Variants in CYP7B1 observed in about 807,000 individuals in gnomAD.
CYP7B1 encodes cytochrome P450 7B1.
CYP7B1 carries 29 observed loss-of-function variants against 42.7 expected under a neutral mutation model. The ratio of observed to expected loss-of-function variants is 0.68; its 90% confidence interval spans 0.51 to 0.93. The LOEUF is 0.93. CYP7B1 is among the 40% of genes least tolerant of loss of function. The pLI is 0.00. For missense variants in CYP7B1, 655 were observed against 600.5 expected (o/e 1.09, Z -0.95); for synonymous variants, 235 against 218.2 (o/e 1.08, Z -0.68).
chr8:64,728,179 A>G lies in CYP7B1; in HGVS notation c.122+70287T>C, dbSNP rs1291819952. The G allele has an allele frequency of 2.0e-5, 3 of 152,232 alleles. No homozygotes were observed. The East Asian group carries it at 5.8e-4, about 29-fold the overall frequency. 9.4% of individuals were successfully genotyped at this position (152,232 alleles called of 1,614,324 possible). ...TGCCAGAAAGAAGTAAATACAGCTC[A>G]TTGAGTTTTCTATGGGAGGATTTGG... is the stretch of plus-strand genomic sequence containing the variant. On this transcript the variant is annotated intron_variant, in intron 1 of 5. Transcript: ENST00000310193.
chr8:64,798,420 CGCGGGGCCCAGGGCGCATGCGTGGCCTG>C lies in CYP7B1; in HGVS notation c.122+18_122+45del. ...CTCGCCATCTGGGTCGCGCGCGGCC[CGCGGGGCCCAGGGCGCATGCGTGGCCTG>C]GCGGCCGAGGCGCTTACCTGGTGCG... On this transcript the variant is annotated intron_variant, in intron 1 of 5. Transcript: ENST00000310193. The C allele has an allele frequency of 6.9e-7, 1 of 1,454,270 alleles. No homozygotes were observed. Among genetic ancestry groups the C allele is most frequent in the Non-Finnish European group, 9.0e-7 (1 of 1,117,002 alleles). The allele number at this position is 1,454,270 out of a possible 1,614,324, so 90.1% of individuals were successfully genotyped here.
At chr8:64,739,291 T>G (rs1279877772) in intron 1 of CYP7B1, among the ~76,000 whole-genome samples, 1 of 152,204 alleles carries the variant, frequency 6.6e-6, no homozygotes, top group African/African-American at 2.4e-5. Context: ...TCCTCTCCCA[T>G]GCCTTACCAC....
chr8:64,663,955 A>T (rs1159955473), intron 1 of CYP7B1, among the ~76,000 whole-genome samples: 2 of 152,124 alleles, frequency 1.3e-5, no homozygotes, highest in Non-Finnish European at 2.9e-5. Context: ...GTGGTAGACG[A>T]AAAAAATGGA....
At chr8:64,652,186 A>C (rs1161823209) in intron 1 of CYP7B1, among the ~76,000 whole-genome samples, 1 of 152,164 alleles carries the variant, frequency 6.6e-6, no homozygotes, top group Admixed American at 6.5e-5. Context: ...AATGATTCCA[A>C]ACTTTCGTTA....
intron 1 of CYP7B1, among the ~76,000 whole-genome samples, chr8:64,775,930 C>A (rs888048119): frequency 3.9e-5 from 6 of 152,120 alleles, no homozygotes; most frequent in Non-Finnish European, 5.9e-5. Context: ...TCAGCTTCTT[C>A]ATTTACAGAT....
At chr8:64,745,576 G>T (rs1477182127) in intron 1 of CYP7B1, among the ~76,000 whole-genome samples, 1 of 152,078 alleles carries the variant, frequency 6.6e-6, no homozygotes, top group Non-Finnish European at 1.5e-5. Flanking sequence ...AATACTAACA[G>T]ACCTGTGTCT....
chr8:64,768,839 AC>A (rs1251595953), intron 1 of CYP7B1, among the ~76,000 whole-genome samples: 4 of 152,186 alleles, frequency 2.6e-5, no homozygotes, highest in African/African-American at 9.7e-5. Context: ...GCAAACTAAA[AC>A]AAAACAAAGC....
intron 1 of CYP7B1, among the ~76,000 whole-genome samples, chr8:64,682,939 G>A (rs892890551): frequency 6.6e-6 from 1 of 152,190 alleles, no homozygotes; most frequent in Non-Finnish European, 1.5e-5. Context: ...ACAAATGGCA[G>A]TCCACTACAC....
At chr8:64,653,972 C>T (rs913346939) in intron 1 of CYP7B1, among the ~76,000 whole-genome samples, 1 of 151,956 alleles carries the variant, frequency 6.6e-6, no homozygotes, top group Admixed American at 6.6e-5. Flanking sequence ...TAAACTAAAA[C>T]TCTAAATAAA....
chr8:64,643,866 A>T (rs1425915089), intron 1 of CYP7B1, among the ~76,000 whole-genome samples: 1 of 152,124 alleles, frequency 6.6e-6, no homozygotes, highest in Non-Finnish European at 1.5e-5. Flanking sequence ...TTATCATGAG[A>T]TTGCAGCAAT....
chr8:64,620,607 A>G (rs1805514980), intron 2 of CYP7B1, among the ~76,000 whole-genome samples: 1 of 152,242 alleles, frequency 6.6e-6, no homozygotes, highest in Non-Finnish European at 1.5e-5. Context: ...CTCATCATGC[A>G]AGAACATATA....
At chr8:64,705,788 T>G (rs1425843614) in intron 1 of CYP7B1, among the ~76,000 whole-genome samples, 1 of 152,070 alleles carries the variant, frequency 6.6e-6, no homozygotes, top group Non-Finnish European at 1.5e-5. Flanking sequence ...ATTAAAAATT[T>G]CATCCAGTAC....
At chr8:64,749,752 T>C (rs567527393) in intron 1 of CYP7B1, among the ~76,000 whole-genome samples, 1 of 152,296 alleles carries the variant, frequency 6.6e-6, no homozygotes, top group East Asian at 1.9e-4. Context: ...TTTCAGTACT[T>C]TTCTACCTCC....
At chr8:64,650,174 T>C (rs942565528) in intron 1 of CYP7B1, among the ~76,000 whole-genome samples, 2 of 152,216 alleles carry the variant, frequency 1.3e-5, no homozygotes, top group African/African-American at 4.8e-5. Context: ...CAGAAGCTTC[T>C]CTCTAGTAAT....
chr8:64,761,882 A>T (rs1485324966), intron 1 of CYP7B1, among the ~76,000 whole-genome samples: 10 of 152,216 alleles, frequency 6.6e-5, no homozygotes, highest in Non-Finnish European at 1.5e-4. Flanking sequence ...ATTCTTAACA[A>T]GACCTTGTGT....
At chr8:64,625,289 C>T (rs1222742622) in intron 1 of CYP7B1, among the ~76,000 whole-genome samples, 8 of 152,240 alleles carry the variant, frequency 5.3e-5, no homozygotes, top group Admixed American at 2.6e-4. Flanking sequence ...ATCATTCGTA[C>T]GCCTTTGCAT....
At chr8:64,599,299 C>G (rs1441259376) in intron 5 of CYP7B1, among the ~76,000 whole-genome samples, 2 of 152,126 alleles carry the variant, frequency 1.3e-5, no homozygotes, top group Admixed American at 1.3e-4. Flanking sequence ...CGCCATTCTC[C>G]TGCCTCAGCC....
intron 1 of CYP7B1, among the ~76,000 whole-genome samples, chr8:64,690,403 C>CACAA (rs903974543): frequency 1.3e-5 from 2 of 152,014 alleles, no homozygotes; most frequent in African/African-American, 2.4e-5. Flanking sequence ...ACCCTGTCTC[C>CACAA]ACAAACAAAC....
At chr8:64,795,334 C>T (rs946754769) in intron 1 of CYP7B1, among the ~76,000 whole-genome samples, 6 of 152,358 alleles carry the variant, frequency 3.9e-5, no homozygotes, top group South Asian at 2.1e-4. Flanking sequence ...TTTCCTCTTT[C>T]TCCGCCAGGC....
Sources: gnomAD v4.1 joint callset for allele counts (sites outside exome capture counted in the v4.1 genomes callset) on GRCh38, gnomAD v4.1.1 for gene constraint, MANE v1.5 for transcripts, NCBI Gene and HGNC (gene_info 2026-07-23, HGNC 2026-07-21) for gene names.